ATE1: variants seen among roughly 807,000 people sequenced by gnomAD.
The protein encoded by ATE1 is arginyl-tRNA--protein transferase 1.
ATE1 carries 36 observed loss-of-function variants against 70.5 expected under a neutral mutation model. That is an observed-to-expected ratio of 0.51 (90% CI 0.39 to 0.67). ATE1 has a LOEUF of 0.67. ATE1 is among the 30% of genes least tolerant of loss of function. The probability of loss-of-function intolerance (pLI) is 0.00; values close to 1 mark genes in which losing one functional copy is unlikely to be tolerated. For missense variants in ATE1, 593 were observed against 629.5 expected (o/e 0.94, Z 0.62); for synonymous variants, 232 against 219.3 (o/e 1.06, Z -0.51).
At chr10:121,809,242 T>C (rs932236288) in intron 10 of ATE1, among the ~76,000 whole-genome samples, 3 of 152,172 alleles carry the variant, frequency 2.0e-5, no homozygotes, top group Non-Finnish European at 1.5e-5. Context: ...GTTTGCTACA[T>C]TCGTTTTGAG....
At chr10:121,763,382 A>G (rs981911557) in intron 11 of ATE1, among the ~76,000 whole-genome samples, 2 of 152,252 alleles carry the variant, frequency 1.3e-5, no homozygotes, top group Non-Finnish European at 2.9e-5. Flanking sequence ...AGGTAAACAG[A>G]TCAACTCTGG....
chr10:121,915,167 G>A (rs1319083281), intron 3 of ATE1, among the ~76,000 whole-genome samples: 1 of 152,138 alleles, frequency 6.6e-6, no homozygotes, highest in Non-Finnish European at 1.5e-5. Context: ...AAAATCCTTA[G>A]GAAGATCTCG....
intron 11 of ATE1, among the ~76,000 whole-genome samples, chr10:121,769,361 A>G (rs10886978): frequency 0.82 from 125,426 of 152,084 alleles, 52,084 homozygotes; most frequent in Non-Finnish European, 0.88. Context: ...GTAAACTTAT[A>G]GCTAAACTTC....
At chr10:121,813,357 A>C (rs1428990428) in intron 10 of ATE1, among the ~76,000 whole-genome samples, 2 of 152,216 alleles carry the variant, frequency 1.3e-5, no homozygotes, top group East Asian at 3.9e-4. Context: ...AACCTTGGGT[A>C]AGAGGTTCAT....
At chr10:121,919,318 G>A (rs920157443) in intron 3 of ATE1, among the ~76,000 whole-genome samples, 1 of 152,068 alleles carries the variant, frequency 6.6e-6, no homozygotes, top group Admixed American at 6.6e-5. Flanking sequence ...CAGCACTTTG[G>A]GGGGCTGAAG....
intron 10 of ATE1, among the ~76,000 whole-genome samples, chr10:121,810,516 C>T (rs1182174181): frequency 5.9e-5 from 9 of 151,854 alleles, no homozygotes; most frequent in Admixed American, 5.2e-4. Context: ...GTGATCTGCC[C>T]GCCTCAGCCT....
Position 121,836,682 on chromosome 10 carries a change from A to C in ATE1, c.1257+36T>G, listed in dbSNP as rs145909013. 6.3e-4 allele frequency: 825 copies of C among 1,301,854 alleles called. 17 individuals carry two copies. In the East Asian group the frequency reaches 0.02, roughly 32 times the overall value. The allele number at this position is 1,301,854 out of a possible 1,614,324, so 80.6% of individuals were successfully genotyped here. A position where few individuals can be genotyped will look rare whatever the true frequency, so the allele number is the denominator to read the frequency against. The stretch of plus-strand genomic sequence containing the variant: ...AATTTTATGAGAGATTCATTTTTCT[A>C]TAATAAAAATACACATATGTGAAAA... On this transcript the variant is annotated intron_variant, in intron 10 of 11. Coordinates refer to ENST00000224652, the MANE Select transcript of ATE1 (RefSeq NM_001001976.3).
chr10:121,898,423 G>A (rs1023097262), intron 7 of ATE1, among the ~76,000 whole-genome samples: 3 of 152,114 alleles, frequency 2.0e-5, no homozygotes, highest in East Asian at 3.9e-4. Flanking sequence ...TATGATGTTC[G>A]GTAGGTTAGG....
upstream of ATE1, chr10:121,928,042 C>A: frequency 8.1e-7 from 1 of 1,229,152 alleles, no homozygotes. Context: ...GCCCGGGAGC[C>A]TCCCGAGGCT....
chr10:121,826,439 G>A (rs1299414200), intron 10 of ATE1, among the ~76,000 whole-genome samples: 2 of 152,232 alleles, frequency 1.3e-5, no homozygotes, highest in African/African-American at 2.4e-5. Flanking sequence ...CCAAGTAGCT[G>A]GAACTAGAGG....
intron 11 of ATE1, among the ~76,000 whole-genome samples, chr10:121,786,819 G>A (rs1946234175): frequency 6.6e-6 from 1 of 151,854 alleles, no homozygotes; most frequent in South Asian, 2.1e-4. Context: ...GAATATTCTC[G>A]TTTAGGTTTT....
chr10:121,741,955 C>G lies in ATE1; in HGVS notation c.*1725G>C, dbSNP rs1038697782. On this transcript the variant is annotated 3_prime_UTR_variant, in exon 12 of 12. Coordinates refer to ENST00000224652, the MANE Select transcript of ATE1 (RefSeq NM_001001976.3). ...CTTACAGTGTCACTTTTGTTATAAT[C>G]ATAAAATGAAGCTCTTTTCATTTTA... is the stretch of plus-strand genomic sequence containing the variant. 5 of 152,118 alleles carry G rather than the reference C, an allele frequency of 3.3e-5. No individual in the cohort carries two copies. Among genetic ancestry groups the G allele is most frequent in the Admixed American group, 6.5e-5 (1 of 15,268 alleles). The allele number at this position is 152,118 out of a possible 1,614,324, so 9.4% of individuals were successfully genotyped here.
At chr10:121,915,688 G>A (rs1045130505) in intron 3 of ATE1, among the ~76,000 whole-genome samples, 1 of 151,926 alleles carries the variant, frequency 6.6e-6, no homozygotes, top group Non-Finnish European at 1.5e-5. Context: ...AGGAGATCGA[G>A]ACTATCCTGG....
At position 121,920,579 on chromosome 10, in the gene ATE1, GAGA is replaced by G. The variant is rs377723361; in HGVS notation, c.233+1767_233+1769del. Among the ~76,000 whole-genome samples the G allele has an allele frequency of 6.8e-3, 1,037 of 152,052 alleles. 17 individuals are homozygous for G. Among genetic ancestry groups the G allele is most frequent in the African/African-American group, 0.024 (996 of 41,482 alleles). On this transcript the variant is annotated intron_variant, in intron 3 of 11. Coordinates refer to ENST00000224652, the MANE Select transcript of ATE1 (RefSeq NM_001001976.3). Reference sequence around the variant, plus strand: ...TGATGACCTTATAACCAGAATAAGAGAGAAGATTTTTCTATGTTAGGGTGAGGT... The same window carrying G: ...TGATGACCTTATAACCAGAATAAGAGAGATTTTTCTATGTTAGGGTGAGGT...
At chr10:121,926,645 A>C (rs1402464255) in intron 1 of ATE1, 1 of 834,090 alleles carries the variant, frequency 1.2e-6, no homozygotes, top group Non-Finnish European at 1.4e-6. Flanking sequence ...GTTTAATGTA[A>C]CTTATTGATT....
chr10:121,752,866 A>G (rs529937474), intron 11 of ATE1, among the ~76,000 whole-genome samples: 9 of 152,272 alleles, frequency 5.9e-5, no homozygotes, highest in African/African-American at 1.7e-4. Flanking sequence ...TATGATTGTC[A>G]GTTTCTGCAG....
intron 11 of ATE1, among the ~76,000 whole-genome samples, chr10:121,755,641 A>T (rs1812313539): frequency 6.6e-6 from 1 of 152,194 alleles, no homozygotes; most frequent in Admixed American, 6.5e-5. Context: ...TCTCACAATC[A>T]TGTCAGAAGG....
At chr10:121,833,639 AG>A (rs1043310933) in intron 10 of ATE1, among the ~76,000 whole-genome samples, 5 of 145,972 alleles carry the variant, frequency 3.4e-5, no homozygotes, top group African/African-American at 9.9e-5. Flanking sequence ...GGCAAAGGGA[AG>A]GGGAAAAAAA....
At chr10:121,788,042 T>C (rs544180205) in intron 11 of ATE1, among the ~76,000 whole-genome samples, 2 of 152,330 alleles carry the variant, frequency 1.3e-5, no homozygotes, top group Admixed American at 1.3e-4. Flanking sequence ...AACAGTTTTA[T>C]ATGTGAATAT....
Sources: gnomAD v4.1 joint callset for allele counts (sites outside exome capture counted in the v4.1 genomes callset) on GRCh38, gnomAD v4.1.1 for gene constraint, MANE v1.5 for transcripts, NCBI Gene and HGNC (gene_info 2026-07-23, HGNC 2026-07-21) for gene names.